The following CDYL2 variants were observed in gnomAD, a reference collection of about 807,000 sequenced individuals.
The protein encoded by CDYL2 is chromodomain Y-like protein 2.
In CDYL2, 23 loss-of-function variants were observed where a neutral mutation model predicts 49.4. That is an observed-to-expected ratio of 0.47 (90% confidence interval 0.34 to 0.66). The LOEUF is 0.66. Among genes scored for constraint, CDYL2 ranks in the 30% least tolerant of loss-of-function variants. The pLI is 0.01. For missense variants in CDYL2, 678 were observed against 656.4 expected (o/e 1.03, Z -0.36); for synonymous variants, 360 against 268.8 (o/e 1.34, Z -3.32).
intron 1 of CDYL2, among the ~76,000 whole-genome samples, chr16:80,716,980 G>C (rs1049280323): frequency 2.7e-5 from 4 of 149,890 alleles, no homozygotes; most frequent in African/African-American, 9.9e-5. Context: ...GTGGATAGAT[G>C]ATTAGATGAA....
In CDYL2 at chr16:80,734,648, G is replaced by T. The variant is rs192029188; in HGVS notation, c.25-49519C>A. Among the ~76,000 whole-genome samples the T allele has an allele frequency of 3.8e-3, 583 of 152,226 alleles. 3 individuals carry two copies. Among genetic ancestry groups the T allele is most frequent in the African/African-American group, 0.013 (549 of 41,546 alleles). On this transcript the variant is annotated intron_variant, in intron 1 of 6. Transcript: ENST00000570137. ...GGCTTGAACTTACTCATTCAAGGGG[G>T]TTTACTGCATAAGCACCCACTATGT...
At chr16:80,758,794 T>C (rs937983112) in intron 1 of CDYL2, among the ~76,000 whole-genome samples, 1 of 151,854 alleles carries the variant, frequency 6.6e-6, no homozygotes, top group Admixed American at 6.6e-5. Flanking sequence ...CGCCCGCCTC[T>C]GCCTCCCAAA....
At chr16:80,742,335 G>C (rs1156887295) in intron 1 of CDYL2, 3 of 152,186 alleles carry the variant, frequency 2.0e-5, no homozygotes, top group African/African-American at 7.2e-5. Flanking sequence ...GGATGGATGG[G>C]ATGGATGGAT....
intron 2 of CDYL2, among the ~76,000 whole-genome samples, chr16:80,636,950 T>C (rs1457648367): frequency 3.9e-5 from 6 of 152,070 alleles, no homozygotes; most frequent in African/African-American, 1.4e-4. Flanking sequence ...AATGAACACA[T>C]GAGCAGAACG....
At chr16:80,652,471 G>C (rs1484690690) in intron 2 of CDYL2, among the ~76,000 whole-genome samples, 1 of 152,174 alleles carries the variant, frequency 6.6e-6, no homozygotes, top group Non-Finnish European at 1.5e-5. Context: ...AAATGCAGAA[G>C]AGACAAATCT....
rs12926401 is a variant in CDYL2, at chr16:80,680,397, C to T, written c.616+4141G>A. Among the ~76,000 whole-genome samples, 304 of 152,274 alleles carry T rather than the reference C, an allele frequency of 2.0e-3. 1 individual carries two copies. The highest frequency in any genetic ancestry group is 4.2e-3 in the Admixed American group (64 of 15,296). ...ATCACCTTCCTGGTAATTTGGAGAACGCTGCAAGTCTTTATGCTATTCTAG... is the reference window on the plus strand; with the variant it reads ...ATCACCTTCCTGGTAATTTGGAGAATGCTGCAAGTCTTTATGCTATTCTAG... On this transcript the variant is annotated intron_variant, in intron 2 of 6. Coordinates refer to ENST00000570137, the MANE Select transcript of CDYL2 (RefSeq NM_152342.4).
At chr16:80,624,832 C>A (rs548825423) in intron 3 of CDYL2, among the ~76,000 whole-genome samples, 46 of 152,254 alleles carry the variant, frequency 3.0e-4, no homozygotes, top group African/African-American at 1.0e-3. Context: ...AGATCAACAG[C>A]AGATTAGGTG....
intron 1 of CDYL2, among the ~76,000 whole-genome samples, chr16:80,761,485 G>C (rs941888081): frequency 6.6e-6 from 1 of 152,148 alleles, no homozygotes; most frequent in African/African-American, 2.4e-5. Flanking sequence ...GGTCTTGAAG[G>C]TTCTTCTTTT....
intron 1 of CDYL2, among the ~76,000 whole-genome samples, chr16:80,753,530 C>T (rs1906208161): frequency 6.6e-6 from 1 of 152,102 alleles, no homozygotes; most frequent in African/African-American, 2.4e-5. Flanking sequence ...ATCACTTGAA[C>T]TGGGGAGGTG....
intron 3 of CDYL2, among the ~76,000 whole-genome samples, chr16:80,623,582 CT>C (rs1907177828): frequency 6.6e-6 from 1 of 152,200 alleles, no homozygotes; most frequent in Non-Finnish European, 1.5e-5. Context: ...GGATGAGTTT[CT>C]TCATGTTCAT....
intron 1 of CDYL2, among the ~76,000 whole-genome samples, chr16:80,784,977 CAA>C (rs1165321787): frequency 6.6e-6 from 1 of 151,818 alleles, no homozygotes; most frequent in African/African-American, 2.4e-5. Context: ...GCTGCATGAA[CAA>C]AAAAGAGTCA....
At chr16:80,762,803 G>T (rs117509555) in intron 1 of CDYL2, among the ~76,000 whole-genome samples, 2 of 152,094 alleles carry the variant, frequency 1.3e-5, no homozygotes, top group African/African-American at 2.4e-5. Context: ...GGGCAGAGAC[G>T]TGTCCTTTCT....
At chr16:80,632,289 T>C (rs60026106) in intron 3 of CDYL2, among the ~76,000 whole-genome samples, 6,643 of 152,228 alleles carry the variant, frequency 0.044, 455 homozygotes, top group African/African-American at 0.15. Context: ...CATGAAAACA[T>C]GCTAAGTGAA....
At chr16:80,748,583 C>G (rs1369692722) in intron 1 of CDYL2, among the ~76,000 whole-genome samples, 1 of 143,826 alleles carries the variant, frequency 7.0e-6, no homozygotes, top group Non-Finnish European at 1.5e-5. Flanking sequence ...CACTCAGAGC[C>G]TTGGTTTGCA....
At chr16:80,777,292 T>C (rs577696289) in intron 1 of CDYL2, among the ~76,000 whole-genome samples, 1 of 152,190 alleles carries the variant, frequency 6.6e-6, no homozygotes, top group Admixed American at 6.5e-5. Context: ...AAATTATACA[T>C]ATATATTTTT....
rs1567597442 is a variant in CDYL2, at chr16:80,759,111, TATATA to T, written c.24+45034_24+45038del. Among the ~76,000 whole-genome samples the T allele has an allele frequency of 5.2e-4, 57 of 110,624 alleles. 1 individual carries two copies. In the East Asian group the frequency reaches 0.013, roughly 26 times the overall value. 72.6% of individuals were successfully genotyped at this position (110,624 alleles called of 152,430 possible). ...ATCTACAAACCATATACTATATATATATATATATATATATATATATATATATATGG... is the reference window on the plus strand; with the variant it reads ...ATCTACAAACCATATACTATATATATTATATATATATATATATATATATGG... On this transcript the variant is annotated intron_variant, in intron 1 of 6. Transcript: ENST00000570137.
At chr16:80,641,907 A>G (rs1003907494) in intron 2 of CDYL2, among the ~76,000 whole-genome samples, 4 of 149,640 alleles carry the variant, frequency 2.7e-5, no homozygotes, top group African/African-American at 1.0e-4. Context: ...TAATAAAAAA[A>G]TAAAAAAAAA....
chr16:80,767,547 T>C lies in CDYL2; in HGVS notation c.24+36603A>G, dbSNP rs542375325. On this transcript the variant is annotated intron_variant, in intron 1 of 6. Coordinates refer to ENST00000570137, the MANE Select transcript of CDYL2 (RefSeq NM_152342.4). Reference sequence around the variant, plus strand: ...AAGGGGCCATCAGGTGGTCATAAAATATGAGCACCTAATGGAAAATTATTT... The same window carrying C: ...AAGGGGCCATCAGGTGGTCATAAAACATGAGCACCTAATGGAAAATTATTT... Among the ~76,000 whole-genome samples, 6 of 152,140 alleles carry C rather than the reference T, an allele frequency of 3.9e-5. No homozygotes were observed. The South Asian group carries it at 1.2e-3, about 32-fold the overall frequency.
intron 1 of CDYL2, among the ~76,000 whole-genome samples, chr16:80,782,055 G>T (rs925386220): frequency 1.3e-5 from 2 of 151,724 alleles, no homozygotes; most frequent in Non-Finnish European, 2.9e-5. Context: ...TTAGCATAAA[G>T]TAGAGAATAC....
Sources: gnomAD v4.1 joint callset for allele counts (sites outside exome capture counted in the v4.1 genomes callset) on GRCh38, gnomAD v4.1.1 for gene constraint, MANE v1.5 for transcripts, NCBI Gene and HGNC (gene_info 2026-07-23, HGNC 2026-07-21) for gene names.